Variants in PCDHA1 observed in about 807,000 individuals in gnomAD.
PCDHA1 encodes the protein protocadherin alpha-1.
Under a neutral mutation model 61.3 loss-of-function variants are expected in PCDHA1, and 42 were observed. The observed-to-expected ratio is 0.69, with a 90% CI of 0.54 to 0.89. PCDHA1 has a LOEUF of 0.89. Ranked by LOEUF, PCDHA1 falls within the 40% of genes least tolerant of loss-of-function variation. The pLI is 0.00. For missense variants in PCDHA1, 1,256 were observed against 1,235.3 expected (o/e 1.02, Z -0.25); for synonymous variants, 610 against 553.8 (o/e 1.10, Z -1.43).
At position 140,857,729 on chromosome 5, in the gene PCDHA1, G is replaced by A. The variant is rs782508750; in HGVS notation, c.2394+69045G>A. 1.8e-5 allele frequency: 29 copies of A among 1,597,292 alleles called. 3 individuals are homozygous for A. The highest frequency in any genetic ancestry group is 1.3e-5 in the African/African-American group (1 of 74,288). ...GTTCGTGCTGGACGAGAACGACAACGCTCCCGCGCTGCTGGCGTCTCCCGC... is the reference window on the plus strand; with the variant it reads ...GTTCGTGCTGGACGAGAACGACAACACTCCCGCGCTGCTGGCGTCTCCCGC... On this transcript the variant is annotated intron_variant, in intron 1 of 3. Transcript: ENST00000504120.
rs2150179482 is a variant in PCDHA1, at chr5:140,830,012, G to T, written c.2394+41328G>T. 5.0e-6 allele frequency: 8 copies of T among 1,613,802 alleles called. No individual in the cohort carries two copies. In the Admixed American group the frequency reaches 1.0e-4, roughly 20 times the overall value. ...CACCACTCGTGTCCTGGACGAAGCG[G>T]ACTCTCCGCGCCACCGGCTGCTGGT... On this transcript the variant is annotated intron_variant, in intron 1 of 3. Coordinates refer to ENST00000504120, the MANE Select transcript of PCDHA1 (RefSeq NM_018900.4).
intron 1 of PCDHA1, chr5:140,821,956 C>T (rs1767130325): frequency 1.2e-6 from 2 of 1,614,176 alleles, no homozygotes; most frequent in Middle Eastern, 1.7e-4. Flanking sequence ...GCTGGTGCCG[C>T]GCCTGTTCCG....
In PCDHA1 at chr5:140,823,864, G is replaced by C. The variant is rs1317473064; in HGVS notation, c.2394+35180G>C. 4 of 1,613,766 alleles carry C rather than the reference G, an allele frequency of 2.5e-6. No homozygotes were observed. The highest frequency in any genetic ancestry group is 4.5e-5 in the East Asian group (2 of 44,878). ...CGAGGCTGCCCTGGTGGATGTCAAC[G>C]TGTACCTGATCATCGCCATCTGTGC... On this transcript the variant is annotated intron_variant, in intron 1 of 3. Coordinates refer to ENST00000504120, the MANE Select transcript of PCDHA1 (RefSeq NM_018900.4).
At position 140,843,240 on chromosome 5, in the gene PCDHA1, C is replaced by G. The variant is rs2150355693; in HGVS notation, c.2394+54556C>G. On this transcript the variant is annotated intron_variant, in intron 1 of 3. Coordinates refer to ENST00000504120, the MANE Select transcript of PCDHA1 (RefSeq NM_018900.4). ...AGCACCACTCGTGTCCTGGACGAAG[C>G]GGACTCTCCGCGCCACCGTCTGCTG... The G allele has an allele frequency of 4.4e-6, 7 of 1,595,828 alleles. 1 individual carries two copies. Among genetic ancestry groups the G allele is most frequent in the Non-Finnish European group, 6.0e-6 (7 of 1,165,542 alleles).
intron 1 of PCDHA1, among the ~76,000 whole-genome samples, chr5:140,934,465 A>G (rs1313806464): frequency 1.3e-5 from 2 of 152,152 alleles, no homozygotes; most frequent in African/African-American, 4.8e-5. Context: ...ATGTTTTAAC[A>G]TTATTTTGAA....
chr5:140,886,956 A>T (rs1007882657), intron 1 of PCDHA1, among the ~76,000 whole-genome samples: 1 of 152,090 alleles, frequency 6.6e-6, no homozygotes, highest in Non-Finnish European at 1.5e-5. Context: ...TTAGACATTT[A>T]GCAACGAAAT....
intron 1 of PCDHA1, among the ~76,000 whole-genome samples, chr5:140,896,094 AGC>A (rs2065382019): frequency 6.6e-6 from 1 of 152,148 alleles, no homozygotes; most frequent in Non-Finnish European, 1.5e-5. Context: ...TACAGGCGTG[AGC>A]CACTGTGCCT....
intron 1 of PCDHA1, among the ~76,000 whole-genome samples, chr5:140,838,075 A>AGTGTGTGTG (rs781914509): frequency 7.8e-6 from 1 of 128,134 alleles, no homozygotes; most frequent in Admixed American, 8.1e-5. Flanking sequence ...TTATATATAT[A>AGTGTGTGTG]TAGTGTGTGT....
intron 3 of PCDHA1, among the ~76,000 whole-genome samples, chr5:140,986,303 A>G (rs2097193977): frequency 6.6e-6 from 1 of 152,166 alleles, no homozygotes; most frequent in South Asian, 2.1e-4. Context: ...CAGAGAGAGA[A>G]AATTAGCTAA....
At chr5:140,800,562 A>G (rs1244857161) in intron 1 of PCDHA1, among the ~76,000 whole-genome samples, 1 of 152,216 alleles carries the variant, frequency 6.6e-6, no homozygotes, top group African/African-American at 2.4e-5. Context: ...TATAAAATGT[A>G]ACTTGGGTGG....
At chr5:140,843,673 T>C (rs1779033196) in intron 1 of PCDHA1, 1 of 1,592,546 alleles carries the variant, frequency 6.3e-7, no homozygotes, top group South Asian at 1.1e-5. Flanking sequence ...GATCAGTTGA[T>C]GTAGGCGAAG....
chr5:140,992,681 G>A (rs575311513), intron 3 of PCDHA1, among the ~76,000 whole-genome samples: 2 of 152,286 alleles, frequency 1.3e-5, no homozygotes, highest in South Asian at 4.2e-4. Flanking sequence ...TGTGTGTTAG[G>A]GGTTGAGGGG....
At chr5:140,924,894 CAAAAA>C (rs782133089) in intron 1 of PCDHA1, among the ~76,000 whole-genome samples, 149 of 71,508 alleles carry the variant, frequency 2.1e-3, no homozygotes, top group African/African-American at 5.7e-3. Context: ...GAACCTGTCT[CAAAAA>C]AAAAAATAAA....
At chr5:140,989,582 G>A (rs1554250917) in intron 3 of PCDHA1, among the ~76,000 whole-genome samples, 1 of 152,200 alleles carries the variant, frequency 6.6e-6, no homozygotes, top group Non-Finnish European at 1.5e-5. Flanking sequence ...CCTGTCCTCA[G>A]CCTCACTGAC....
intron 1 of PCDHA1, chr5:140,927,041 T>C: frequency 6.2e-7 from 1 of 1,612,456 alleles, no homozygotes; most frequent in South Asian, 1.1e-5. Flanking sequence ...GCGGCCGCTA[T>C]GTCCTCGCGG....
intron 1 of PCDHA1, among the ~76,000 whole-genome samples, chr5:140,832,258 A>G (rs2150200533): frequency 6.6e-6 from 1 of 152,304 alleles, no homozygotes; most frequent in African/African-American, 2.4e-5. Context: ...TGTTCCCAGG[A>G]AATATTAGAC....
intron 1 of PCDHA1, chr5:140,867,238 T>C (rs2049839993): frequency 1.3e-5 from 2 of 152,118 alleles, no homozygotes; most frequent in African/African-American, 4.8e-5. Context: ...AATAAGGTGA[T>C]TGAGGATCTG....
rs2054438060 is a variant in PCDHA1 at position 140,873,702 on chromosome 5, C to T, written c.2394+85018C>T. 9.2e-5 allele frequency among the ~76,000 whole-genome samples: 14 copies of T among 152,214 alleles called. No individual in the cohort carries two copies. In the South Asian group the frequency reaches 2.9e-3, roughly 32 times the overall value. ...TTGAGATAGAGTCTTGCTCTATCAC[C>T]CAGGCTGGTGTGCAGTGGCGCAATC... On this transcript the variant is annotated intron_variant, in intron 1 of 3. Transcript: ENST00000504120.
At chr5:140,835,431 T>C (rs2150235593) in intron 1 of PCDHA1, 1 of 1,613,912 alleles carries the variant, frequency 6.2e-7, no homozygotes, top group Non-Finnish European at 8.5e-7. Context: ...TGCTCCACAG[T>C]TGACTCTCAC....
Sources: allele counts gnomAD v4.1 joint callset (sites outside exome capture counted in the v4.1 genomes callset), GRCh38; gene constraint gnomAD v4.1.1; transcripts MANE v1.5; gene names NCBI Gene and HGNC (gene_info 2026-07-23, HGNC 2026-07-21).